Variants in PABPC4L observed in about 807,000 individuals in gnomAD.
PABPC4L encodes poly(A) binding protein cytoplasmic 4 like.
For missense variants in PABPC4L, 452 were observed against 451.4 expected (o/e 1.00, Z -0.01); for synonymous variants, 169 against 164.1 (o/e 1.03, Z -0.23).
At chr4:134,144,327 G>T in the PABPC4L span, among the ~76,000 whole-genome samples, 22 of 151,602 alleles carry the variant, frequency 1.5e-4, no homozygotes, top group Admixed American at 7.3e-4. Flanking sequence ...TCTAGCACAT[G>T]AAATACAATC....
the PABPC4L span, among the ~76,000 whole-genome samples, chr4:133,997,658 A>G: frequency 5.3e-5 from 8 of 152,202 alleles, no homozygotes; most frequent in Non-Finnish European, 1.0e-4. Context: ...AAACATTCAC[A>G]GGAATTTGGA....
At chr4:134,103,526 G>A in the PABPC4L span, among the ~76,000 whole-genome samples, 1 of 151,440 alleles carries the variant, frequency 6.6e-6, no homozygotes, top group Admixed American at 6.6e-5. Context: ...TCCTTAAAAA[G>A]ATGCCAATCA....
chr4:134,128,950 T>G, the PABPC4L span, among the ~76,000 whole-genome samples: 3 of 152,004 alleles, frequency 2.0e-5, no homozygotes, highest in Non-Finnish European at 4.4e-5. Flanking sequence ...ACATAAGGAC[T>G]CATATAAACT....
At chr4:134,182,764 A>G in the PABPC4L span, among the ~76,000 whole-genome samples, 1 of 152,016 alleles carries the variant, frequency 6.6e-6, no homozygotes, top group Non-Finnish European at 1.5e-5. Flanking sequence ...TACAAGCAAA[A>G]ACTAAACAAC....
the PABPC4L span, among the ~76,000 whole-genome samples, chr4:134,185,971 A>G: frequency 6.6e-6 from 1 of 152,150 alleles, no homozygotes; most frequent in African/African-American, 2.4e-5. Flanking sequence ...TACGAATCCA[A>G]CTTACAAGGG....
At chr4:133,976,465 G>A in the PABPC4L span, among the ~76,000 whole-genome samples, 13 of 151,894 alleles carry the variant, frequency 8.6e-5, no homozygotes. Flanking sequence ...TATTCCTTTC[G>A]GTTTATACCC....
chr4:134,146,877 T>C, the PABPC4L span, among the ~76,000 whole-genome samples: 10 of 152,176 alleles, frequency 6.6e-5, no homozygotes, highest in Non-Finnish European at 1.3e-4. Context: ...ACTCAAGTCA[T>C]GGACTGTATC....
the PABPC4L span, among the ~76,000 whole-genome samples, chr4:134,018,541 C>G: frequency 1.3e-5 from 2 of 152,112 alleles, no homozygotes; most frequent in Admixed American, 6.6e-5. Context: ...TCTCCCATGT[C>G]TGTTGTTCCC....
At chr4:134,001,410 G>A in the PABPC4L span, among the ~76,000 whole-genome samples, 15 of 152,078 alleles carry the variant, frequency 9.9e-5, no homozygotes, top group South Asian at 1.5e-3. Flanking sequence ...TTATTTTGCC[G>A]TAATTAGTCA....
At chr4:134,085,312 A>G in the PABPC4L span, among the ~76,000 whole-genome samples, 2 of 152,156 alleles carry the variant, frequency 1.3e-5, no homozygotes, top group Admixed American at 6.6e-5. Flanking sequence ...GTGCATGTAC[A>G]TAAAATACAT....
the PABPC4L span, among the ~76,000 whole-genome samples, chr4:133,995,183 T>C: frequency 6.6e-6 from 1 of 152,330 alleles, no homozygotes; most frequent in Non-Finnish European, 1.5e-5. Context: ...GTCATTGATT[T>C]GCCAAATGTT....
At chr4:134,122,424 T>A in the PABPC4L span, among the ~76,000 whole-genome samples, 24 of 152,054 alleles carry the variant, frequency 1.6e-4, no homozygotes, top group East Asian at 2.5e-3. Context: ...AAAGCAATTT[T>A]AAAATATTAA....
the PABPC4L span, among the ~76,000 whole-genome samples, chr4:134,184,325 C>CA: frequency 8.6e-5 from 13 of 151,522 alleles, no homozygotes. Flanking sequence ...TTCATCATAA[C>CA]AAAAAAAATT....
chr4:133,952,723 C>A, the PABPC4L span, among the ~76,000 whole-genome samples: 2 of 152,058 alleles, frequency 1.3e-5, no homozygotes, highest in South Asian at 4.1e-4. Flanking sequence ...TTTCCCTCCT[C>A]TGTTAGGAGG....
At chr4:134,035,414 A>G in the PABPC4L span, among the ~76,000 whole-genome samples, 1 of 147,450 alleles carries the variant, frequency 6.8e-6, no homozygotes, top group African/African-American at 2.5e-5. Flanking sequence ...TTTATTTTGG[A>G]CTGATGCTTG....
chr4:134,189,725 A>G, the PABPC4L span, among the ~76,000 whole-genome samples: 1 of 152,082 alleles, frequency 6.6e-6, no homozygotes. Context: ...CTCTTGCACT[A>G]TGAACTTCAT....
the PABPC4L span, among the ~76,000 whole-genome samples, chr4:133,966,350 G>A: frequency 6.6e-6 from 1 of 152,154 alleles, no homozygotes; most frequent in East Asian, 1.9e-4. Flanking sequence ...CTTCTACACT[G>A]TTCATGGGAA....
At chr4:133,961,164 C>T in the PABPC4L span, among the ~76,000 whole-genome samples, 36 of 152,122 alleles carry the variant, frequency 2.4e-4, no homozygotes, top group African/African-American at 8.7e-4. Context: ...TCCATTTCAC[C>T]CTCCTGCCAT....
the PABPC4L span, among the ~76,000 whole-genome samples, chr4:134,030,051 T>G: frequency 6.6e-6 from 1 of 152,206 alleles, no homozygotes; most frequent in Admixed American, 6.6e-5. Context: ...GCCATGATTT[T>G]AAGTTTTCTG....
Sources: gnomAD v4.1 joint callset for allele counts (sites outside exome capture counted in the v4.1 genomes callset) on GRCh38, gnomAD v4.1.1 for gene constraint, MANE v1.5 for transcripts, NCBI Gene and HGNC (gene_info 2026-07-23, HGNC 2026-07-21) for gene names.